RBM27: variants seen among roughly 807,000 people sequenced by gnomAD.
RBM27 encodes RNA binding motif protein 27.
Under a neutral mutation model 135.3 loss-of-function variants are expected in RBM27, and 22 were observed. That is an observed-to-expected ratio of 0.16 (90% confidence interval 0.12 to 0.23). The LOEUF (loss-of-function observed/expected upper bound fraction) is 0.23, where lower values mean the gene tolerates loss of function less well. Ranked by LOEUF, RBM27 falls within the 10% of genes least tolerant of loss-of-function variation. RBM27 has a pLI of 1.00. For synonymous variants in RBM27, 481 were observed against 442.4 expected, an observed-to-expected ratio of 1.09 and a Z score of -1.10; for missense variants, 1,009 against 1,281.0, an observed-to-expected ratio of 0.79 and a Z score of 3.24.
In RBM27 at chr5:146,267,671, C is replaced by T. The variant is rs759046975; in HGVS notation, c.2354C>T (p.Pro785Leu). 2.5e-6 allele frequency: 4 copies of T among 1,585,866 alleles called. No individual in the cohort carries two copies. In the East Asian group the frequency reaches 6.7e-5, roughly 27 times the overall value. ...DCQIFSTPGH[P>L]KMIYSSSNLK... is the part of the protein sequence containing the mutation. ...TAGATATTTTCAACTCCAGGCCATC[C>T]AAAAATGATTTACAGCTCCTCAAAC... The change falls in exon 15 of 21, where the codon CCA (proline) becomes CTA (leucine). Residue 785 changes from proline (P) to leucine (L), a missense_variant. By Grantham distance (98) the Pro-to-Leu change is moderately conservative (BLOSUM62 -3). Around this residue, in one of 6 missense-constraint regions of RBM27, gnomAD observed 355 missense variants for 427.3 expected, o/e 0.83. Coordinates refer to ENST00000265271, the MANE Select transcript of RBM27 (RefSeq NM_018989.2).
At chr5:146,254,334 G>A (rs1260194050) in intron 9 of RBM27, among the ~76,000 whole-genome samples, 1 of 151,890 alleles carries the variant, frequency 6.6e-6, no homozygotes, top group Non-Finnish European at 1.5e-5. Flanking sequence ...ATTTGGATTA[G>A]GTAATTAATA....
chr5:146,218,647 G>A (rs1756315839), intron 1 of RBM27, among the ~76,000 whole-genome samples: 1 of 152,170 alleles, frequency 6.6e-6, no homozygotes, highest in Non-Finnish European at 1.5e-5. Flanking sequence ...TATTGACAGT[G>A]CTTCTATAGC....
intron 8 of RBM27, among the ~76,000 whole-genome samples, chr5:146,242,566 A>T (rs1286975755): frequency 3.3e-5 from 5 of 152,120 alleles, no homozygotes; most frequent in Non-Finnish European, 7.4e-5. Context: ...TAAAAAGGGG[A>T]TGTGTAGTAT....
intron 14 of RBM27, among the ~76,000 whole-genome samples, chr5:146,264,000 G>A (rs192335654): frequency 6.6e-6 from 1 of 151,512 alleles, no homozygotes; most frequent in Non-Finnish European, 1.5e-5. Flanking sequence ...CCAGCTACCC[G>A]GGAGGCTGAG....
intron 1 of RBM27, among the ~76,000 whole-genome samples, chr5:146,205,981 C>G (rs555905109): frequency 2.6e-5 from 4 of 152,218 alleles, no homozygotes; most frequent in Non-Finnish European, 4.4e-5. Flanking sequence ...GATCAGGCCA[C>G]TGCTCTCCAG....
chr5:146,254,152 T>A (rs1758011084), intron 9 of RBM27, among the ~76,000 whole-genome samples: 1 of 152,068 alleles, frequency 6.6e-6, no homozygotes, highest in African/African-American at 2.4e-5. Flanking sequence ...TGTGAAAATT[T>A]GTATTAACAA....
chr5:146,206,845 A>T (rs760167617), intron 1 of RBM27, among the ~76,000 whole-genome samples: 28 of 152,054 alleles, frequency 1.8e-4, no homozygotes, highest in Non-Finnish European at 4.0e-4. Context: ...GGCCTCCCAA[A>T]GTGCTGGGAT....
rs752786227 is a variant in RBM27 at position 146,233,628 on chromosome 5, GGGCCCAGGTCCA to G, written c.1038_1049del (p.Pro355_Gly358del). 145 of 1,594,328 alleles carry G rather than the reference GGGCCCAGGTCCA, an allele frequency of 9.1e-5. 3 individuals carry two copies. In the South Asian group the frequency reaches 1.5e-3, roughly 17 times the overall value. Reference sequence around the variant, plus strand: ...CAATGCCAGGTCCAGGCCCAGGCCCGGGCCCAGGTCCAGGCCCAGGCCCGGGCCCAGGTCCAG... The same window carrying G: ...CAATGCCAGGTCCAGGCCCAGGCCCGGGCCCAGGCCCGGGCCCAGGTCCAG... On this transcript the variant is annotated inframe_deletion, in exon 7 of 21. Coordinates refer to ENST00000265271, the MANE Select transcript of RBM27 (RefSeq NM_018989.2).
At chr5:146,280,467 C>G (rs1345762906) in intron 19 of RBM27, among the ~76,000 whole-genome samples, 1 of 152,160 alleles carries the variant, frequency 6.6e-6, no homozygotes, top group African/African-American at 2.4e-5. Flanking sequence ...AGGCAAACAC[C>G]TAATATACCT....
intron 6 of RBM27, 104 bp downstream of exon 6, chr5:146,231,021 A>G: frequency 7.7e-7 from 1 of 1,296,800 alleles, no homozygotes; most frequent in Non-Finnish European, 1.1e-6. Context: ...ATTTTATTTT[A>G]TCTTATTTTA....
At chr5:146,271,742 T>C (rs546601606) in intron 19 of RBM27, 68 bp downstream of exon 19, 1 of 1,350,756 alleles carries the variant, frequency 7.4e-7, no homozygotes, top group South Asian at 1.4e-5. Flanking sequence ...TGCTGCAGTG[T>C]CTATAAATGT....
At chr5:146,265,826 T>C (rs186137639) in intron 14 of RBM27, among the ~76,000 whole-genome samples, 152 of 152,276 alleles carry the variant, frequency 1.0e-3, no homozygotes, top group African/African-American at 3.6e-3. Context: ...ACTTTCAGTG[T>C]GGTTGAAAAG....
intron 8 of RBM27, among the ~76,000 whole-genome samples, chr5:146,240,294 ATCTGTCTGTCTGTCTGTCTG>A (rs59670617): frequency 6.8e-6 from 1 of 148,108 alleles, no homozygotes; most frequent in Admixed American, 6.7e-5. Flanking sequence ...GCTGTTTTCT[ATCTGTCTGTCTGTCTGTCTG>A]TCTGTCTGTC....
Position 146,233,549 on chromosome 5 carries a change from C to G in RBM27, c.950C>G (p.Pro317Arg). ...GCTCTGCCAAGTATGATTCCTTTCCCACCCCCTCCTCCTGGGCTTCCTCCT... is the reference window on the plus strand; with the variant it reads ...GCTCTGCCAAGTATGATTCCTTTCCGACCCCCTCCTCCTGGGCTTCCTCCT... ...EVALPSMIPF[P>R]PPPPGLPPPP... The change falls in exon 7 of 21, where the codon CCA becomes CGA. Residue 317 changes from proline to arginine, a missense_variant. Pro to Arg is a moderately radical substitution (Grantham distance 103). Coordinates refer to ENST00000265271, the MANE Select transcript of RBM27 (RefSeq NM_018989.2). 1 of 1,613,354 alleles carries G rather than the reference C, an allele frequency of 6.2e-7. No individual in the cohort carries two copies. Among genetic ancestry groups the G allele is most frequent in the Non-Finnish European group, 8.5e-7 (1 of 1,179,802 alleles).
At chr5:146,251,678 T>G (rs779753692) in intron 8 of RBM27, 33 bp from the exon 9 acceptor site, 2 of 1,556,486 alleles carry the variant, frequency 1.3e-6, no homozygotes, top group Non-Finnish European at 1.8e-6. Context: ...GTGACTCTCA[T>G]TCCCAGCTGC....
intron 1 of RBM27, among the ~76,000 whole-genome samples, chr5:146,210,248 A>G (rs543995327): frequency 1.3e-5 from 2 of 152,314 alleles, no homozygotes; most frequent in Non-Finnish European, 2.9e-5. Context: ...GTAATTGACA[A>G]TTAGAAAAGT....
intron 8 of RBM27, among the ~76,000 whole-genome samples, chr5:146,238,253 A>G (rs1312821860): frequency 2.0e-5 from 3 of 152,150 alleles, no homozygotes; most frequent in Admixed American, 6.6e-5. Context: ...TCATGCCTGT[A>G]ATCCTAGCAC....
intron 14 of RBM27, among the ~76,000 whole-genome samples, chr5:146,264,448 C>T (rs1029756227): frequency 1.4e-4 from 22 of 152,136 alleles, no homozygotes; most frequent in Admixed American, 1.0e-3. Context: ...GGACTACAGG[C>T]GTGAGCCACT....
chr5:146,240,836 C>T (rs760960991), intron 8 of RBM27, among the ~76,000 whole-genome samples: 1 of 151,938 alleles, frequency 6.6e-6, no homozygotes, highest in Non-Finnish European at 1.5e-5. Context: ...ATTGCTATAG[C>T]GTCTTTTCAT....
Sources: allele counts gnomAD v4.1 joint callset (sites outside exome capture counted in the v4.1 genomes callset), GRCh38; gene constraint gnomAD v4.1.1; regional missense constraint gnomAD v4.1.1; transcripts MANE v1.5; gene names NCBI Gene and HGNC (gene_info 2026-07-23, HGNC 2026-07-21).